Variants in CTNNAL1 observed in about 807,000 individuals in gnomAD.
The protein encoded by CTNNAL1 is catenin alpha like 1, also known as alpha-catulin.
CTNNAL1 carries 69 observed loss-of-function variants against 93.6 expected under a neutral mutation model. The ratio of observed to expected loss-of-function variants is 0.74; its 90% CI spans 0.61 to 0.90. The LOEUF (loss-of-function observed/expected upper bound fraction) is 0.90, where lower values mean the gene tolerates loss of function less well. Ranked by LOEUF, CTNNAL1 falls within the 40% of genes least tolerant of loss-of-function variation. The pLI, the probability that CTNNAL1 is intolerant of heterozygous loss-of-function variation, is 0.00. For missense variants in CTNNAL1, 836 were observed against 862.0 expected, an observed-to-expected ratio of 0.97 and a Z score of 0.38; for synonymous variants, 286 against 305.4, an observed-to-expected ratio of 0.94 and a Z score of 0.66.
At chr9:108,972,864 G>GGGGGCGGCCCCCC in intron 8 of CTNNAL1, 31 bp from the exon 9 acceptor site, 2 of 142,584 alleles carry the variant, frequency 1.4e-5, no homozygotes, top group Non-Finnish European at 2.0e-5. Flanking sequence ...GGGGGGGTGG[G>GGGGGCGGCCCCCC]AGGGTGGAGA....
At chr9:108,998,655 A>G (rs544515025) in intron 2 of CTNNAL1, among the ~76,000 whole-genome samples, 7 of 152,316 alleles carry the variant, frequency 4.6e-5, no homozygotes, top group East Asian at 3.9e-4. Context: ...CTGTGCTACC[A>G]TCTATAGAGA....
rs555985270 is a variant in CTNNAL1, at chr9:108,955,538, G to A, written c.1629+252C>T. Among the ~76,000 whole-genome samples, 11 of 152,148 alleles carry A rather than the reference G, an allele frequency of 7.2e-5. 1 individual carries two copies. Among genetic ancestry groups the A allele is most frequent in the African/African-American group, 2.7e-4 (11 of 41,486 alleles). The stretch of plus-strand genomic sequence containing the variant: ...ATTTATTTTTATGATGCTATTACTG[G>A]GATATGGCTTTTTATTAATCACAAA... On this transcript the variant is annotated intron_variant, in intron 12 of 18. Coordinates refer to ENST00000325551, the MANE Select transcript of CTNNAL1 (RefSeq NM_003798.4).
chr9:108,979,874 G>A (rs1044520286), intron 6 of CTNNAL1, among the ~76,000 whole-genome samples: 4 of 152,252 alleles, frequency 2.6e-5, no homozygotes, highest in South Asian at 2.1e-4. Context: ...AATGTGCTGA[G>A]CCCAGGGGGA....
intron 14 of CTNNAL1, chr9:108,950,443 G>A: frequency 6.6e-7 from 1 of 1,515,038 alleles, no homozygotes; most frequent in Non-Finnish European, 8.9e-7. Context: ...ATAAGGTACT[G>A]ACAAATGACA....
At chr9:109,011,643 C>A (rs1273031307) in intron 1 of CTNNAL1, among the ~76,000 whole-genome samples, 1 of 152,170 alleles carries the variant, frequency 6.6e-6, no homozygotes, top group Non-Finnish European at 1.5e-5. Context: ...CTAGAGAGGA[C>A]ACAGCATAGT....
intron 9 of CTNNAL1, 103 bp from the exon 10 acceptor site, chr9:108,970,597 T>A: frequency 1.1e-6 from 1 of 937,192 alleles, no homozygotes; most frequent in Non-Finnish European, 1.5e-6. Flanking sequence ...TAAAATTTCT[T>A]AAAACCTATT....
Position 108,979,405 on chromosome 9 carries a change from A to C in CTNNAL1, c.977T>G (p.Leu326Trp). The part of the protein sequence containing the change: ...ENLSVTLEVI[L>W]ERMEDFTDSA... ...ATCAGTAAAGTCCTCCATACGCTCC[A>C]AGATGACTTCCAATGTCACAGAAAG... Residue 326 changes from leucine (L) to tryptophan (W), a missense_variant, in exon 7 of 19, where the codon TTG becomes TGG. Leu to Trp is a moderately conservative substitution (Grantham distance 61, BLOSUM62 -2). Coordinates refer to ENST00000325551, the MANE Select transcript of CTNNAL1 (RefSeq NM_003798.4). 1 of 1,614,182 alleles carries C rather than the reference A, an allele frequency of 6.2e-7. No homozygotes were observed. The highest frequency in any genetic ancestry group is 2.2e-5 in the East Asian group (1 of 44,878).
chr9:108,992,422 T>C (rs1362200316), intron 3 of CTNNAL1, among the ~76,000 whole-genome samples: 4 of 150,722 alleles, frequency 2.7e-5, no homozygotes, highest in African/African-American at 9.8e-5. Context: ...CGCTCAGACA[T>C]GCATAGCCCC....
At chr9:108,942,920 A>G (rs1830285695) in intron 18 of CTNNAL1, 41 bp downstream of exon 18, 1 of 1,608,896 alleles carries the variant, frequency 6.2e-7, no homozygotes, top group Non-Finnish European at 8.5e-7. Context: ...CTTTTAAACC[A>G]TTTTTTAAAG....
At chr9:108,961,898 G>A (rs573786373) in intron 11 of CTNNAL1, among the ~76,000 whole-genome samples, 4 of 152,210 alleles carry the variant, frequency 2.6e-5, no homozygotes, top group South Asian at 4.1e-4. Context: ...GTACTTCCTG[G>A]GATCTCTCAG....
intron 4 of CTNNAL1, among the ~76,000 whole-genome samples, chr9:108,986,065 T>C (rs1425512184): frequency 2.0e-5 from 3 of 151,896 alleles, no homozygotes; most frequent in African/African-American, 7.3e-5. Flanking sequence ...TTAGGGTACA[T>C]GTGCACAATG....
At chr9:108,963,983 TA>T in intron 11 of CTNNAL1, among the ~76,000 whole-genome samples, 1 of 152,316 alleles carries the variant, frequency 6.6e-6, no homozygotes, top group Non-Finnish European at 1.5e-5. Context: ...TACTCCAGGA[TA>T]ACCCACACCA....
intron 1 of CTNNAL1, 70 bp downstream of exon 1, chr9:109,013,232 T>C (rs1205018640): frequency 7.8e-6 from 11 of 1,401,770 alleles, no homozygotes; most frequent in African/African-American, 1.5e-5. Context: ...CGTCCGGTCG[T>C]GCGAGCGGCG....
chr9:108,992,056 T>C lies in CTNNAL1; in HGVS notation c.519+576A>G, dbSNP rs559128647. The C allele has an allele frequency of 2.6e-4, 203 of 768,348 alleles. 4 individuals carry two copies. Among genetic ancestry groups the C allele is most frequent in the South Asian group, 2.6e-3 (191 of 72,666 alleles). The allele number at this position is 768,348 out of a possible 1,614,324, so 47.6% of individuals were successfully genotyped here. ...TGATTTAACTGTGTCTTAAGTTATATATTGTTAGTCTCTGATTTGGGAGGG... is the reference window on the plus strand; with the variant it reads ...TGATTTAACTGTGTCTTAAGTTATACATTGTTAGTCTCTGATTTGGGAGGG... On this transcript the variant is annotated intron_variant, in intron 3 of 18. Coordinates refer to ENST00000325551, the MANE Select transcript of CTNNAL1 (RefSeq NM_003798.4).
intron 1 of CTNNAL1, among the ~76,000 whole-genome samples, chr9:109,001,327 G>A (rs1826820065): frequency 6.6e-6 from 1 of 152,088 alleles, no homozygotes; most frequent in Non-Finnish European, 1.5e-5. Context: ...TCTCCGCAGT[G>A]GTTTGAAATC....
At chr9:108,988,937 A>T (rs1270263693) in intron 4 of CTNNAL1, among the ~76,000 whole-genome samples, 1 of 152,088 alleles carries the variant, frequency 6.6e-6, no homozygotes, top group African/African-American at 2.4e-5. Flanking sequence ...AAGCATTTGA[A>T]CCCTGGATGC....
chr9:108,942,874 G>A (rs768729008), intron 18 of CTNNAL1, 40 bp from the exon 19 acceptor site: 4 of 1,602,532 alleles, frequency 2.5e-6, no homozygotes, highest in Non-Finnish European at 3.4e-6. Flanking sequence ...GTTTCACTCT[G>A]AAAAAAAAAT....
intron 11 of CTNNAL1, among the ~76,000 whole-genome samples, chr9:108,959,321 C>T (rs1363783327): frequency 5.7e-5 from 8 of 141,028 alleles, no homozygotes; most frequent in South Asian, 2.2e-4. Flanking sequence ...GCTGAGATCA[C>T]GCCACTGCAC....
At chr9:108,999,421 T>G (rs1826703875) in intron 1 of CTNNAL1, among the ~76,000 whole-genome samples, 165 bp from the exon 2 acceptor site, 3 of 152,200 alleles carry the variant, frequency 2.0e-5, no homozygotes, top group Admixed American at 2.0e-4. Context: ...TCCTGCATCA[T>G]TCCTTAAGAC....
Sources: allele counts gnomAD v4.1 joint callset (sites outside exome capture counted in the v4.1 genomes callset), GRCh38; gene constraint gnomAD v4.1.1; transcripts MANE v1.5; gene names NCBI Gene and HGNC (gene_info 2026-07-23, HGNC 2026-07-21).